The following VSNL1 variants were observed in gnomAD, a reference collection of about 807,000 sequenced individuals.
The protein encoded by VSNL1 is visinin like 1.
In VSNL1, 6 loss-of-function variants were observed where a neutral mutation model predicts 20.4. That is an observed-to-expected ratio of 0.29 (90% CI 0.16 to 0.58). The LOEUF is 0.58. Ranked by LOEUF, VSNL1 falls within the 20% of genes least tolerant of loss-of-function variation. VSNL1 has a pLI of 0.90. For missense variants in VSNL1, 100 were observed against 234.5 expected (o/e 0.43, Z 3.75); for synonymous variants, 93 against 86.4 (o/e 1.08, Z -0.42).
chr2:17,584,002 G>A (rs1664409920), intron 1 of VSNL1, among the ~76,000 whole-genome samples: 1 of 152,118 alleles, frequency 6.6e-6, no homozygotes, highest in Non-Finnish European at 1.5e-5. Context: ...TTGGAAAAAA[G>A]TCAGCATTAT....
intron 2 of VSNL1, among the ~76,000 whole-genome samples, chr2:17,614,443 T>C (rs1001821135): frequency 1.3e-5 from 2 of 152,246 alleles, no homozygotes; most frequent in Non-Finnish European, 2.9e-5. Context: ...CCAAGCACTT[T>C]GGAGCCGACT....
At chr2:17,571,158 A>G (rs1664072803) in intron 1 of VSNL1, among the ~76,000 whole-genome samples, 1 of 152,176 alleles carries the variant, frequency 6.6e-6, no homozygotes, top group African/African-American at 2.4e-5. Context: ...ATCTAAAAAT[A>G]TGCAAAATAC....
intron 1 of VSNL1, among the ~76,000 whole-genome samples, chr2:17,542,574 C>T (rs1371238819): frequency 6.6e-6 from 1 of 152,146 alleles, no homozygotes; most frequent in African/African-American, 2.4e-5. Flanking sequence ...AGAAGAACCT[C>T]TCATTGGAAA....
intron 1 of VSNL1, among the ~76,000 whole-genome samples, chr2:17,588,727 T>C (rs1231590383): frequency 6.6e-6 from 1 of 152,140 alleles, no homozygotes; most frequent in East Asian, 1.9e-4. Context: ...ATGAAGACAA[T>C]CTCCAGGAGG....
At chr2:17,642,410 AC>A (rs1460794429) in intron 2 of VSNL1, among the ~76,000 whole-genome samples, 1 of 146,528 alleles carries the variant, frequency 6.8e-6, no homozygotes, top group Non-Finnish European at 1.5e-5. Flanking sequence ...CCAGCTTCAC[AC>A]CATCCTCCTG....
chr2:17,559,461 C>G (rs1461803904), intron 1 of VSNL1, among the ~76,000 whole-genome samples: 2 of 150,554 alleles, frequency 1.3e-5, no homozygotes, highest in Non-Finnish European at 3.0e-5. Flanking sequence ...TTCTAATCAA[C>G]TATGTCTTTT....
At chr2:17,617,873 A>T (rs1281614612) in intron 2 of VSNL1, among the ~76,000 whole-genome samples, 1 of 138,278 alleles carries the variant, frequency 7.2e-6, no homozygotes, top group African/African-American at 2.5e-5. Flanking sequence ...GCATACATGC[A>T]CATGCACATG....
intron 1 of VSNL1, among the ~76,000 whole-genome samples, chr2:17,560,378 G>A (rs534708379): frequency 1.4e-3 from 206 of 152,078 alleles, no homozygotes; most frequent in South Asian, 4.6e-3. Context: ...GAACACACAA[G>A]CATTATAATC....
intron 2 of VSNL1, among the ~76,000 whole-genome samples, chr2:17,622,541 AAAGAAAGAAAGAAAG>A (rs1665394973): frequency 2.8e-5 from 1 of 36,226 alleles, no homozygotes; most frequent in Non-Finnish European, 5.3e-5. Flanking sequence ...GAAAAGAAAG[AAAGAAAGAAAGAAAG>A]AAAGAAAGAA....
intron 2 of VSNL1, among the ~76,000 whole-genome samples, chr2:17,616,070 G>A (rs1374636380): frequency 6.6e-6 from 1 of 152,234 alleles, no homozygotes; most frequent in Non-Finnish European, 1.5e-5. Flanking sequence ...GGAGTAGAAA[G>A]GTGACTAAGA....
intron 2 of VSNL1, among the ~76,000 whole-genome samples, chr2:17,622,604 AGAAAG>A (rs1406472581): frequency 2.8e-4 from 41 of 148,934 alleles, no homozygotes; most frequent in Admixed American, 8.1e-4. Flanking sequence ...AAGAAAGAAA[AGAAAG>A]AAAGATCTTC....
At chr2:17,632,672 AT>A (rs1266280472) in intron 2 of VSNL1, among the ~76,000 whole-genome samples, 3 of 152,048 alleles carry the variant, frequency 2.0e-5, no homozygotes, top group African/African-American at 7.2e-5. Context: ...TGTGTTTTAA[AT>A]TTTTTCTTCG....
At position 17,556,876 on chromosome 2, in the gene VSNL1, A is replaced by T. The variant is rs556278964; in HGVS notation, c.-6+15958A>T. 1.6e-4 allele frequency among the ~76,000 whole-genome samples: 24 copies of T among 152,340 alleles called. No homozygotes were observed. In the South Asian group the frequency reaches 5.0e-3, roughly 32 times the overall value. Reference sequence around the variant, plus strand: ...GAATTTCTGGCCAAAGGAGAAAGATATTTCAGGGGCAAAAGGAGCTTACAT... The same window carrying T: ...GAATTTCTGGCCAAAGGAGAAAGATTTTTCAGGGGCAAAAGGAGCTTACAT... On this transcript the variant is annotated intron_variant, in intron 1 of 3. Transcript: ENST00000295156.
chr2:17,580,672 C>T (rs1664331547), intron 1 of VSNL1, among the ~76,000 whole-genome samples: 1 of 152,208 alleles, frequency 6.6e-6, no homozygotes, highest in Non-Finnish European at 1.5e-5. Flanking sequence ...TAAGAACAAA[C>T]CCTGGAGGCA....
At chr2:17,636,265 G>A (rs557543011) in intron 2 of VSNL1, among the ~76,000 whole-genome samples, 1 of 151,856 alleles carries the variant, frequency 6.6e-6, no homozygotes, top group African/African-American at 2.4e-5. Flanking sequence ...CAAGCAGAAG[G>A]CCTCATCTCT....
intron 1 of VSNL1, among the ~76,000 whole-genome samples, chr2:17,575,677 A>G (rs1558286910): frequency 6.6e-6 from 1 of 152,176 alleles, no homozygotes; most frequent in East Asian, 1.9e-4. Context: ...CTGGAATTAG[A>G]GGCATGCGCC....
In VSNL1 at chr2:17,634,637, AAAGT is replaced by A. The variant is rs1181145593; in HGVS notation, c.163-14769_163-14766del. Among the ~76,000 whole-genome samples the A allele has an allele frequency of 3.9e-5, 6 of 152,190 alleles. No individual in the cohort carries two copies. Among genetic ancestry groups the A allele is most frequent in the Admixed American group, 1.3e-4 (2 of 15,276 alleles). On this transcript the variant is annotated intron_variant, in intron 2 of 3. Transcript: ENST00000295156. This position sits in a 1 kb window ranked among gnomAD's most constrained non-coding sequence, Gnocchi z 4.3. ...CCCTCATCTCTCCTCTGAGATCAGC[AAAGT>A]AAGAATGAGCCTCTCAGGTCGTAGT... is the stretch of plus-strand genomic sequence containing the variant.
chr2:17,613,986 A>G (rs980921939), intron 2 of VSNL1, among the ~76,000 whole-genome samples: 8 of 152,204 alleles, frequency 5.3e-5, no homozygotes, highest in Admixed American at 4.6e-4. Context: ...AAGTCCAGGA[A>G]GGTTGGGGAA....
At chr2:17,602,845 G>A (rs942159652) in intron 2 of VSNL1, among the ~76,000 whole-genome samples, 4 of 152,204 alleles carry the variant, frequency 2.6e-5, no homozygotes, top group African/African-American at 4.8e-5. Flanking sequence ...ATTAGTTGTC[G>A]TCCACCTTCA....
Sources: gnomAD v4.1 joint callset for allele counts (sites outside exome capture counted in the v4.1 genomes callset) on GRCh38, gnomAD v4.1.1 for gene constraint, Gnocchi (gnomAD v3.1) non-coding constraint, MANE v1.5 for transcripts, NCBI Gene and HGNC (gene_info 2026-07-23, HGNC 2026-07-21) for gene names.